Variants in PTPN12 observed in about 807,000 individuals in gnomAD.
PTPN12 encodes the protein tyrosine-protein phosphatase non-receptor type 12.
In PTPN12, 29 loss-of-function variants were observed where a neutral mutation model predicts 97.6. That is an observed-to-expected ratio of 0.30 (90% confidence interval 0.22 to 0.41). PTPN12 has a LOEUF of 0.41. Among genes scored for constraint, PTPN12 ranks in the 10% least tolerant of loss-of-function variants. The probability of loss-of-function intolerance (pLI) is 1.00; values close to 1 mark genes in which losing one functional copy is unlikely to be tolerated. For missense variants in PTPN12, 819 were observed against 926.0 expected (o/e 0.88, Z 1.50); for synonymous variants, 327 against 300.4 (o/e 1.09, Z -0.91).
chr7:77,538,579 A>T (rs945222947), intron 1 of PTPN12, among the ~76,000 whole-genome samples: 1 of 150,666 alleles, frequency 6.6e-6, no homozygotes, highest in Non-Finnish European at 1.5e-5. Flanking sequence ...CTGCTTGTGC[A>T]GGCAGTCTTG....
chr7:77,538,214 A>G, intron 1 of PTPN12: 1 of 503,208 alleles, frequency 2.0e-6, no homozygotes, highest in Non-Finnish European at 2.6e-6. Context: ...CGCTTGGGAA[A>G]GGATTGCCCA....
chr7:77,611,988 T>C (rs1387789281), intron 11 of PTPN12, among the ~76,000 whole-genome samples: 1 of 152,116 alleles, frequency 6.6e-6, no homozygotes, highest in Non-Finnish European at 1.5e-5. Flanking sequence ...GAGATTTTTT[T>C]TTTTTTTTTG....
At chr7:77,635,972 C>A (rs1224544334) in intron 15 of PTPN12, 123 bp downstream of exon 15, 1 of 603,844 alleles carries the variant, frequency 1.7e-6, no homozygotes, top group African/African-American at 1.9e-5. Context: ...AATTTTTGAT[C>A]GGCATTTCTT....
chr7:77,623,477 G>C (rs1243803462), intron 12 of PTPN12, among the ~76,000 whole-genome samples: 1 of 152,146 alleles, frequency 6.6e-6, no homozygotes. Flanking sequence ...TTGGGAGCCT[G>C]AGGAGGGCGG....
intron 1 of PTPN12, among the ~76,000 whole-genome samples, chr7:77,539,899 G>A (rs1418686204): frequency 1.3e-5 from 2 of 152,082 alleles, no homozygotes; most frequent in African/African-American, 2.4e-5. Flanking sequence ...GGCTGCTCTC[G>A]AACTCCTCAT....
In PTPN12 at chr7:77,574,213, G is replaced by C. The variant is rs111675454; in HGVS notation, c.208+3027G>C. Among the ~76,000 whole-genome samples, 1,148 of 152,298 alleles carry C rather than the reference G, an allele frequency of 7.5e-3. 8 individuals carry two copies. The highest frequency in any genetic ancestry group is 0.011 in the Non-Finnish European group (775 of 68,026). ...GTGTGGTTCGAATGAGGGATAGGGAGAAAGCAGAGAATAGAAGGGTAAGTT... is the reference window on the plus strand; with the variant it reads ...GTGTGGTTCGAATGAGGGATAGGGACAAAGCAGAGAATAGAAGGGTAAGTT... On this transcript the variant is annotated intron_variant, in intron 2 of 17. Transcript: ENST00000248594.
intron 1 of PTPN12, among the ~76,000 whole-genome samples, chr7:77,562,349 G>T (rs1383086524): frequency 6.6e-6 from 1 of 152,096 alleles, no homozygotes; most frequent in Non-Finnish European, 1.5e-5. Context: ...CACTGCTTCC[G>T]GCCTGCTGTA....
intron 1 of PTPN12, among the ~76,000 whole-genome samples, chr7:77,555,201 T>G (rs935812554): frequency 1.3e-5 from 2 of 152,054 alleles, no homozygotes; most frequent in African/African-American, 4.8e-5. Context: ...CTCTGGCTTT[T>G]TAAACGATTT....
intron 2 of PTPN12, among the ~76,000 whole-genome samples, chr7:77,575,675 A>G (rs941643855): frequency 6.6e-6 from 1 of 152,206 alleles, no homozygotes; most frequent in East Asian, 1.9e-4. Context: ...AAGTAAATTT[A>G]TAGAGTTTTG....
chr7:77,602,229 G>A (rs947467867), intron 8 of PTPN12, among the ~76,000 whole-genome samples: 6 of 151,990 alleles, frequency 3.9e-5, no homozygotes, highest in Admixed American at 6.6e-5. Flanking sequence ...AGAGAAATCA[G>A]TTTAAGATAA....
chr7:77,609,725 A>G (rs1036816341), intron 9 of PTPN12, among the ~76,000 whole-genome samples: 1 of 101,650 alleles, frequency 9.8e-6, no homozygotes, highest in Non-Finnish European at 2.0e-5. Context: ...CTAAAAATAT[A>G]AAAAAAATCG....
chr7:77,629,847 A>G (rs1438120319), intron 13 of PTPN12, among the ~76,000 whole-genome samples: 3 of 151,132 alleles, frequency 2.0e-5, no homozygotes, highest in Non-Finnish European at 4.4e-5. Context: ...AGGCTGAGGT[A>G]GGAAGATCAC....
chr7:77,560,290 A>G (rs1365574156), intron 1 of PTPN12, among the ~76,000 whole-genome samples: 1 of 152,224 alleles, frequency 6.6e-6, no homozygotes, highest in Non-Finnish European at 1.5e-5. Context: ...GCTTGCCTGC[A>G]ACTAGCTGTT....
chr7:77,568,300 C>G (rs1208810589), intron 1 of PTPN12, among the ~76,000 whole-genome samples: 1 of 152,136 alleles, frequency 6.6e-6, no homozygotes, highest in Admixed American at 6.5e-5. Flanking sequence ...CTTTGTTTTG[C>G]ACATTTCTCA....
rs1452196351 is a variant in PTPN12, at chr7:77,537,665, G to A, written c.99+20G>A. 6 of 1,573,378 alleles carry A rather than the reference G, an allele frequency of 3.8e-6. No homozygotes were observed. In the African/African-American group the frequency reaches 5.5e-5, roughly 15 times the overall value. On this transcript the variant is annotated intron_variant, in intron 1 of 17. Transcript: ENST00000248594. ...TTCATGGTGAGTCTCTCCCCTCGCT[G>A]TCGCGTTTTCTTGCCGGCGCCGGAG...
intron 2 of PTPN12, among the ~76,000 whole-genome samples, chr7:77,577,526 T>C (rs1330695157): frequency 6.6e-6 from 1 of 152,134 alleles, no homozygotes; most frequent in Non-Finnish European, 1.5e-5. Flanking sequence ...ACTGCTGATA[T>C]CCTCAAGATG....
chr7:77,567,099 G>T (rs1808296198), intron 1 of PTPN12, among the ~76,000 whole-genome samples: 1 of 151,314 alleles, frequency 6.6e-6, no homozygotes, highest in African/African-American at 2.4e-5. Flanking sequence ...AAGTTAAAAT[G>T]AAATTATATG....
Position 77,597,882 on chromosome 7 carries a change from T to A in PTPN12, c.533T>A (p.Leu178His). ...AGAACAGACTACTTCATCAGGACAC[T>A]CTTACTTGAATTTCAAAATGTAGGT... The part of the protein sequence containing the change: ...QARTDYFIRT[L>H]LLEFQNESRR... The change falls in exon 7 of 18, where the codon CTC (leucine) becomes CAC (histidine). Residue 178 changes from leucine (L) to histidine (H), a missense_variant. Leu to His is a moderately conservative substitution (Grantham distance 99, BLOSUM62 -3). Around this residue, in one of 5 missense-constraint regions of PTPN12, gnomAD observed 45 missense variants for 52.0 expected, o/e 0.87. Coordinates refer to ENST00000248594, the MANE Select transcript of PTPN12 (RefSeq NM_002835.4). 3 of 1,612,718 alleles carry A rather than the reference T, an allele frequency of 1.9e-6. No individual in the cohort carries two copies. Among genetic ancestry groups the A allele is most frequent in the Non-Finnish European group, 2.5e-6 (3 of 1,179,500 alleles).
chr7:77,571,230 T>A, intron 2 of PTPN12, 44 bp downstream of exon 2: 1 of 1,217,910 alleles, frequency 8.2e-7, no homozygotes, highest in Non-Finnish European at 1.2e-6. Context: ...AAATGCTAAT[T>A]AGCCTTTTGT....
Sources: gnomAD v4.1 joint callset for allele counts (sites outside exome capture counted in the v4.1 genomes callset) on GRCh38, gnomAD v4.1.1 for gene constraint, gnomAD v4.1.1 regional missense constraint, MANE v1.5 for transcripts, NCBI Gene and HGNC (gene_info 2026-07-23, HGNC 2026-07-21) for gene names.